The following PAK5 variants were observed in gnomAD, a reference collection of about 807,000 sequenced individuals.
PAK5 encodes the protein serine/threonine-protein kinase PAK 5.
A neutral mutation model predicts 65.9 loss-of-function variants in PAK5; 16 were observed. That is an observed-to-expected ratio of 0.24 (90% confidence interval 0.16 to 0.37). The LOEUF (loss-of-function observed/expected upper bound fraction) is 0.37. PAK5 is among the 10% of genes least tolerant of loss of function. PAK5 has a pLI of 1.00. For synonymous variants in PAK5, 371 were observed against 354.9 expected, an observed-to-expected ratio of 1.05 and a Z score of -0.51; for missense variants, 785 against 903.9, an observed-to-expected ratio of 0.87 and a Z score of 1.69.
At chr20:9,689,163 T>A (rs1289903992) in intron 2 of PAK5, among the ~76,000 whole-genome samples, 2 of 152,224 alleles carry the variant, frequency 1.3e-5, no homozygotes, top group Admixed American at 6.5e-5. Context: ...CTGCTTCATT[T>A]GTTTTCTGAG....
At chr20:9,752,217 A>G (rs2048585145) in intron 1 of PAK5, among the ~76,000 whole-genome samples, 1 of 152,148 alleles carries the variant, frequency 6.6e-6, no homozygotes, top group Non-Finnish European at 1.5e-5. Context: ...AGGGTCAAGC[A>G]ATCACAAAGT....
intron 1 of PAK5, among the ~76,000 whole-genome samples, chr20:9,714,332 A>G (rs1273066302): frequency 6.6e-6 from 1 of 152,090 alleles, no homozygotes; most frequent in Non-Finnish European, 1.5e-5. Context: ...CTTGGATGAG[A>G]TAAGAAATAA....
intron 1 of PAK5, among the ~76,000 whole-genome samples, chr20:9,786,071 G>A (rs1034322723): frequency 1.3e-5 from 2 of 152,106 alleles, no homozygotes; most frequent in Non-Finnish European, 2.9e-5. Context: ...GTTGAAAGAC[G>A]GCTGACCTGC....
Position 9,557,639 on chromosome 20 carries a change from C to CT in PAK5, c.1711dup (p.Ser571LysfsTer2). On this transcript the variant is annotated frameshift_variant, in exon 7 of 10. Coordinates refer to ENST00000353224, the MANE Select transcript of PAK5 (RefSeq NM_177990.4). LOFTEE classifies it high-confidence loss of function. ...ATCGCTTGTCAGGAGGATGGAGTCACTTTTTATGTCCCTGTGAATCACTCC... is the reference window on the plus strand; with the variant it reads ...ATCGCTTGTCAGGAGGATGGAGTCACTTTTTTATGTCCCTGTGAATCACTCC... 6.2e-7 allele frequency: 1 copy of CT among 1,612,182 alleles called. No individual in the cohort carries two copies. Among genetic ancestry groups the CT allele is most frequent in the Non-Finnish European group, 8.5e-7 (1 of 1,179,066 alleles).
At position 9,539,475 on chromosome 20, in the gene PAK5, T is replaced by C; in HGVS notation, c.2147A>G (p.Tyr716Cys). ...PSCIVPLMRQYRHH is the reference protein window; with the variant it reads ...PSCIVPLMRQCRHH ...CGAATCCTCTGCTCAGTGATGCCTGTATTGTCTCATGAGGGGGACGATGCA... is the reference window on the plus strand; with the variant it reads ...CGAATCCTCTGCTCAGTGATGCCTGCATTGTCTCATGAGGGGGACGATGCA... Residue 716 changes from tyrosine (Y) to cysteine (C), a missense_variant, in exon 10 of 10, where the codon TAC becomes TGC. By Grantham distance (194) the Tyr-to-Cys change is radical (BLOSUM62 -2). Transcript: ENST00000353224. The C allele has an allele frequency of 6.2e-7, 1 of 1,614,062 alleles. No homozygotes were observed. The highest frequency in any genetic ancestry group is 2.2e-5 in the East Asian group (1 of 44,890).
chr20:9,814,508 G>GA (rs1179386361), intron 1 of PAK5, among the ~76,000 whole-genome samples: 2 of 152,026 alleles, frequency 1.3e-5, no homozygotes, highest in East Asian at 1.9e-4. Flanking sequence ...CACTGAGAAA[G>GA]AAAAAAGAGT....
intron 1 of PAK5, among the ~76,000 whole-genome samples, chr20:9,789,659 CT>C (rs2049029288): frequency 6.6e-6 from 1 of 152,112 alleles, no homozygotes; most frequent in South Asian, 2.1e-4. Flanking sequence ...GACCTGGATC[CT>C]TTTCCCTGGT....
Position 9,644,169 on chromosome 20 carries a change from C to A in PAK5, c.160G>T (p.Val54Leu). ...ADTANRPKPM[V>L]DPSCITPIQL... Reference sequence around the variant, plus strand: ...ATGGGTGTGATGCATGAAGGGTCCACCATAGGCTTTGGCCTGTTGGCCGTA... The same window carrying A: ...ATGGGTGTGATGCATGAAGGGTCCAACATAGGCTTTGGCCTGTTGGCCGTA... The change falls in exon 3 of 10, where the codon GTG (valine) becomes TTG (leucine). Residue 54 changes from valine to leucine, a missense_variant. Val to Leu is a conservative substitution (Grantham distance 32, BLOSUM62 1). This residue lies in a region of PAK5 where 71 missense variants were observed against 110.2 expected (regional missense o/e 0.64). Transcript: ENST00000353224. The A allele has an allele frequency of 6.2e-7, 1 of 1,612,632 alleles. No homozygotes were observed. The highest frequency in any genetic ancestry group is 8.5e-7 in the Non-Finnish European group (1 of 1,179,628).
At chr20:9,657,029 T>C (rs1332045773) in intron 2 of PAK5, among the ~76,000 whole-genome samples, 2 of 152,210 alleles carry the variant, frequency 1.3e-5, no homozygotes, top group Non-Finnish European at 2.9e-5. Flanking sequence ...TGTATGTATA[T>C]ATGTCTATGC....
intron 3 of PAK5, among the ~76,000 whole-genome samples, chr20:9,613,428 C>T (rs2046599938): frequency 1.3e-5 from 2 of 152,132 alleles, no homozygotes; most frequent in African/African-American, 4.8e-5. Context: ...TTGCTGGGAG[C>T]TCAGTGTGCA....
chr20:9,715,296 T>C (rs1250810579), intron 1 of PAK5, among the ~76,000 whole-genome samples: 5 of 151,992 alleles, frequency 3.3e-5, no homozygotes, highest in African/African-American at 1.2e-4. Flanking sequence ...CATGAAAAAA[T>C]GCTCATCATC....
At chr20:9,788,251 C>T (rs894458496) in intron 1 of PAK5, among the ~76,000 whole-genome samples, 2 of 151,950 alleles carry the variant, frequency 1.3e-5, no homozygotes, top group African/African-American at 4.8e-5. Context: ...AAATGTATCT[C>T]CAGTAACAAG....
intron 6 of PAK5, among the ~76,000 whole-genome samples, chr20:9,558,166 A>G (rs936067290): frequency 1.3e-5 from 2 of 151,676 alleles, no homozygotes; most frequent in Non-Finnish European, 2.9e-5. Context: ...GCTAGAGTGC[A>G]GTGGCACAAT....
intron 1 of PAK5, among the ~76,000 whole-genome samples, chr20:9,718,689 AT>A (rs1000243967): frequency 1.5e-4 from 23 of 152,164 alleles, no homozygotes; most frequent in African/African-American, 5.1e-4. Flanking sequence ...CATACAACAT[AT>A]TTTTTAACCT....
chr20:9,776,905 ATGG>A (rs1203930414), intron 1 of PAK5, among the ~76,000 whole-genome samples: 2 of 152,222 alleles, frequency 1.3e-5, no homozygotes, highest in African/African-American at 4.8e-5. Context: ...GCCAAGAAAC[ATGG>A]TGGTAATTTG....
chr20:9,814,467 G>T (rs1391100960), intron 1 of PAK5, among the ~76,000 whole-genome samples: 2 of 152,020 alleles, frequency 1.3e-5, no homozygotes, highest in African/African-American at 4.8e-5. Context: ...AAGACACCAA[G>T]AATTGCAAGA....
At chr20:9,575,134 A>C (rs9967942) in intron 4 of PAK5, among the ~76,000 whole-genome samples, 45,133 of 152,044 alleles carry the variant, frequency 0.3, 6,990 homozygotes, top group African/African-American at 0.39. Flanking sequence ...AAACACATTG[A>C]ACTGTTGACC....
chr20:9,749,796 A>G (rs1199638210), intron 1 of PAK5, among the ~76,000 whole-genome samples: 1 of 152,190 alleles, frequency 6.6e-6, no homozygotes, highest in Non-Finnish European at 1.5e-5. Context: ...ATGTGAGAGA[A>G]GCATCAGCTG....
At chr20:9,638,627 G>A (rs2047011339) in intron 3 of PAK5, among the ~76,000 whole-genome samples, 1 of 152,188 alleles carries the variant, frequency 6.6e-6, no homozygotes, top group Non-Finnish European at 1.5e-5. Context: ...GAAATTCTGA[G>A]AATGGAGCCC....
Sources: gnomAD v4.1 joint callset for allele counts (sites outside exome capture counted in the v4.1 genomes callset) on GRCh38, gnomAD v4.1.1 for gene constraint, gnomAD v4.1.1 regional missense constraint, MANE v1.5 for transcripts, NCBI Gene and HGNC (gene_info 2026-07-23, HGNC 2026-07-21) for gene names.